The following MPZL1 variants were observed in gnomAD, a reference collection of about 807,000 sequenced individuals.
The protein encoded by MPZL1 is myelin protein zero like 1, also known as myelin protein zero-like protein 1.
A neutral mutation model predicts 29.3 loss-of-function variants in MPZL1; 16 were observed. That is an observed-to-expected ratio of 0.55 (90% confidence interval 0.37 to 0.83). The LOEUF is 0.83. MPZL1 is among the 40% of genes least tolerant of loss of function. The probability of loss-of-function intolerance (pLI) is 0.00; values close to 1 mark genes in which losing one functional copy is unlikely to be tolerated. For missense variants in MPZL1, 279 were observed against 332.9 expected, an observed-to-expected ratio of 0.84 and a Z score of 1.26; for synonymous variants, 143 against 132.0, an observed-to-expected ratio of 1.08 and a Z score of -0.57.
chr1:167,734,255 C>CA (rs35988337), intron 1 of MPZL1, among the ~76,000 whole-genome samples: 32,243 of 140,598 alleles, frequency 0.23, 3,624 homozygotes, highest in Non-Finnish European at 0.24. Context: ...GACTCCATCT[C>CA]AAAAAAAAAA....
chr1:167,756,834 C>T (rs1660878167), intron 1 of MPZL1, among the ~76,000 whole-genome samples: 2 of 152,126 alleles, frequency 1.3e-5, no homozygotes, highest in South Asian at 4.2e-4. Flanking sequence ...CAGCCCTTTG[C>T]CCTCTTGGGG....
In MPZL1 at chr1:167,739,300, T is replaced by C. The variant is rs867752840; in HGVS notation, c.91+17058T>C. Among the ~76,000 whole-genome samples the C allele has an allele frequency of 1.4e-3, 166 of 114,744 alleles. 5 individuals are homozygous for C. Among genetic ancestry groups the C allele is most frequent in the African/African-American group, 7.7e-3 (159 of 20,698 alleles). 75.3% of individuals were successfully genotyped at this position (114,744 alleles called of 152,430 possible). A position where few individuals can be genotyped will look rare whatever the true frequency, so the allele number is the denominator to read the frequency against. On this transcript the variant is annotated intron_variant, in intron 1 of 5. Transcript: ENST00000359523. Reference sequence around the variant, plus strand: ...ATATATACATATATATATATATATATATATATATACACATATATATATTTA... The same window carrying C: ...ATATATACATATATATATATATATACATATATATACACATATATATATTTA...
chr1:167,760,783 G>GTGTGTGTGTGTGTGTGTGTC (rs1553255558), intron 1 of MPZL1, among the ~76,000 whole-genome samples: 3 of 147,200 alleles, frequency 2.0e-5, no homozygotes, highest in African/African-American at 5.0e-5. Context: ...GTGTGTGTGT[G>GTGTGTGTGTGTGTGTGTGTC]TGTGTGTGTG....
intron 5 of MPZL1, among the ~76,000 whole-genome samples, chr1:167,782,687 A>AT (rs1391832958): frequency 1.3e-5 from 2 of 152,188 alleles, no homozygotes; most frequent in Non-Finnish European, 2.9e-5. Context: ...GGCAGATGTG[A>AT]TTAAATTGCC....
rs764835005 is a variant in MPZL1 at position 167,765,723 on chromosome 1, C to T, written c.232C>T (p.Pro78Ser). Residue 78 changes from proline (P) to serine (S), a missense_variant, in exon 2 of 6, where the codon CCA becomes TCA. By Grantham distance (74) the Pro-to-Ser change is moderately conservative. Transcript: ENST00000359523. ...GACCTCAGTCTCCTGGAGCTTCCAG[C>T]CAGAGGGGGCCGACACTACTGTGTC... is the stretch of plus-strand genomic sequence containing the variant. ...GLTSVSWSFQ[P>S]EGADTTVSFF... 2 of 1,611,232 alleles carry T rather than the reference C, an allele frequency of 1.2e-6. No individual in the cohort carries two copies. Among genetic ancestry groups the T allele is most frequent in the Admixed American group, 3.4e-5 (2 of 59,562 alleles).
rs191354905 is a variant in MPZL1, at chr1:167,760,242, A to T, written c.92-5341A>T. Among the ~76,000 whole-genome samples, 253 of 152,126 alleles carry T rather than the reference A, an allele frequency of 1.7e-3. 3 individuals are homozygous for T. Among genetic ancestry groups the T allele is most frequent in the African/African-American group, 6.0e-3 (251 of 41,488 alleles). The stretch of plus-strand genomic sequence containing the variant: ...TTTTGAGACAGAGTCTCGCTCTGTC[A>T]CCCCGCCCAGAGTGTAGTGGTGTGA... On this transcript the variant is annotated intron_variant, in intron 1 of 5. Coordinates refer to ENST00000359523, the MANE Select transcript of MPZL1 (RefSeq NM_003953.6).
At position 167,772,491 on chromosome 1, in the gene MPZL1, ACTTC is replaced by A. The variant is rs1461997401; in HGVS notation, c.472+7_472+10del. 1 of 1,609,732 alleles carries A rather than the reference ACTTC, an allele frequency of 6.2e-7. No individual in the cohort carries two copies. On this transcript the variant is annotated splice_donor_5th_base_variant and intron_variant, in intron 3 of 5. Coordinates refer to ENST00000359523, the MANE Select transcript of MPZL1 (RefSeq NM_003953.6). ...TAGGCTCTATGTCGTAGAAAAAGGT[ACTTC>A]CTTGAGTATTTTGGCAGTAATAATG...
chr1:167,773,297 T>G lies in MPZL1; in HGVS notation c.534T>G (p.Gly178=), dbSNP rs1425337956. The change falls in exon 4 of 6, where the codon GGT becomes GGG. Residue 178 remains glycine (G), a synonymous_variant. Coordinates refer to ENST00000359523, the MANE Select transcript of MPZL1 (RefSeq NM_003953.6). ...VVGIVTAVVL[G]LTLLISMILA... ...GCATAGTTACTGCTGTGGTCCTAGG[T>G]CTCACTCTGCTCATCAGCATGATTC... is the stretch of plus-strand genomic sequence containing the variant. 1.2e-6 allele frequency: 2 copies of G among 1,613,748 alleles called. No individual in the cohort carries two copies. Among genetic ancestry groups the G allele is most frequent in the South Asian group, 1.1e-5 (1 of 91,084 alleles).
At chr1:167,785,993 C>A (rs896192156) in intron 5 of MPZL1, among the ~76,000 whole-genome samples, 9 of 152,144 alleles carry the variant, frequency 5.9e-5, no homozygotes, top group African/African-American at 2.2e-4. Flanking sequence ...CGGGGTTTCA[C>A]CGTGTTAGCA....
chr1:167,724,951 G>A (rs1660111261), intron 1 of MPZL1, among the ~76,000 whole-genome samples: 1 of 152,214 alleles, frequency 6.6e-6, no homozygotes, highest in African/African-American at 2.4e-5. Flanking sequence ...AAAACCAGGT[G>A]AGTTTGGTAT....
At chr1:167,769,015 ATT>A (rs1048215938) in intron 2 of MPZL1, among the ~76,000 whole-genome samples, 2 of 152,238 alleles carry the variant, frequency 1.3e-5, no homozygotes, top group Non-Finnish European at 2.9e-5. Flanking sequence ...GGCCTTAAAC[ATT>A]GGAAATAGCA....
chr1:167,762,084 G>A, intron 1 of MPZL1, among the ~76,000 whole-genome samples: 1 of 152,096 alleles, frequency 6.6e-6, no homozygotes, highest in Non-Finnish European at 1.5e-5. Context: ...CTGATGATTG[G>A]GTCTAGAGCT....
intron 5 of MPZL1, among the ~76,000 whole-genome samples, chr1:167,781,931 T>C (rs1198390383): frequency 6.6e-6 from 1 of 152,154 alleles, no homozygotes; most frequent in Non-Finnish European, 1.5e-5. Context: ...CTAAAAAATT[T>C]CTAGTCACAA....
intron 1 of MPZL1, among the ~76,000 whole-genome samples, chr1:167,747,799 G>A (rs1660676871): frequency 6.6e-6 from 1 of 151,954 alleles, no homozygotes. Context: ...ATTTCAGTTG[G>A]GATTCAGTGG....
At chr1:167,730,805 C>T (rs1660247592) in intron 1 of MPZL1, among the ~76,000 whole-genome samples, 1 of 152,126 alleles carries the variant, frequency 6.6e-6, no homozygotes, top group Non-Finnish European at 1.5e-5. Context: ...GGCATGCTTG[C>T]CTTACAGAAT....
At chr1:167,733,846 A>C (rs1371458197) in intron 1 of MPZL1, among the ~76,000 whole-genome samples, 1 of 152,020 alleles carries the variant, frequency 6.6e-6, no homozygotes, top group Non-Finnish European at 1.5e-5. Flanking sequence ...TCAAGGCTGC[A>C]GTGAGCTATG....
chr1:167,778,633 CAA>C (rs1435530103), intron 5 of MPZL1, among the ~76,000 whole-genome samples: 1 of 151,216 alleles, frequency 6.6e-6, no homozygotes, highest in Non-Finnish European at 1.5e-5. Context: ...CAATCAGAAA[CAA>C]ATTCAGAATG....
At chr1:167,752,303 G>A (rs899363328) in intron 1 of MPZL1, among the ~76,000 whole-genome samples, 5 of 152,046 alleles carry the variant, frequency 3.3e-5, no homozygotes, top group Admixed American at 2.6e-4. Flanking sequence ...TGCTACTTCA[G>A]GGGGATGGTT....
intron 1 of MPZL1, among the ~76,000 whole-genome samples, chr1:167,763,442 G>A (rs1400216496): frequency 6.6e-6 from 1 of 151,738 alleles, no homozygotes; most frequent in Non-Finnish European, 1.5e-5. Context: ...CTTGAACCCA[G>A]GAGGCGGAGG....
Sources: gnomAD v4.1 joint callset for allele counts (sites outside exome capture counted in the v4.1 genomes callset) on GRCh38, gnomAD v4.1.1 for gene constraint, MANE v1.5 for transcripts, NCBI Gene and HGNC (gene_info 2026-07-23, HGNC 2026-07-21) for gene names.